Variants in MAD1L1 observed in about 807,000 individuals in gnomAD.
The protein encoded by MAD1L1 is mitotic spindle assembly checkpoint protein MAD1.
MAD1L1 carries 95 observed loss-of-function variants against 96.9 expected under a neutral mutation model. That is an observed-to-expected ratio of 0.98 (90% CI 0.83 to 1.16). MAD1L1 has a LOEUF of 1.16. Ranked by LOEUF, MAD1L1 falls within the 50% of genes most tolerant of loss-of-function variation. The probability of loss-of-function intolerance (pLI) is 0.00; values close to 1 mark genes in which losing one functional copy is unlikely to be tolerated. For missense variants in MAD1L1, 1,007 were observed against 954.4 expected, an observed-to-expected ratio of 1.06 and a Z score of -0.73; for synonymous variants, 473 against 396.6, an observed-to-expected ratio of 1.19 and a Z score of -2.29.
intron 13 of MAD1L1, among the ~76,000 whole-genome samples, chr7:2,006,127 T>C (rs1782019505): frequency 6.6e-6 from 1 of 151,848 alleles, no homozygotes; most frequent in Non-Finnish European, 1.5e-5. Flanking sequence ...CTCTCACTCA[T>C]AACCTGAAAA....
At chr7:2,164,548 A>C (rs540011309) in intron 10 of MAD1L1, among the ~76,000 whole-genome samples, 1 of 139,096 alleles carries the variant, frequency 7.2e-6, no homozygotes, top group South Asian at 2.5e-4. Context: ...AGATATGTTA[A>C]GTGACAGAAT....
At chr7:1,931,336 G>T (rs1490378126) in intron 17 of MAD1L1, among the ~76,000 whole-genome samples, 1 of 152,280 alleles carries the variant, frequency 6.6e-6, no homozygotes, top group African/African-American at 2.4e-5. Flanking sequence ...CTCATCTGGA[G>T]AATGGGGAGG....
chr7:1,959,910 C>T (rs1420452775), intron 15 of MAD1L1, among the ~76,000 whole-genome samples: 1 of 152,104 alleles, frequency 6.6e-6, no homozygotes, highest in African/African-American at 2.4e-5. Context: ...TTCTTACATT[C>T]AGGTCTCTTA....
At chr7:2,019,457 C>A (rs1317947749) in intron 12 of MAD1L1, among the ~76,000 whole-genome samples, 1 of 152,258 alleles carries the variant, frequency 6.6e-6, no homozygotes, top group African/African-American at 2.4e-5. Context: ...CAGCTGTGCA[C>A]CCTTGGGCAA....
intron 17 of MAD1L1, among the ~76,000 whole-genome samples, chr7:1,935,622 T>C (rs114350368): frequency 6.6e-6 from 1 of 152,302 alleles, no homozygotes; most frequent in African/African-American, 2.4e-5. Context: ...GCCTGGGTGC[T>C]GGGCTGTGGG....
chr7:1,918,493 G>A (rs763747462), intron 17 of MAD1L1, among the ~76,000 whole-genome samples: 4 of 152,166 alleles, frequency 2.6e-5, no homozygotes, highest in Non-Finnish European at 5.9e-5. Context: ...GGCCCAGGCC[G>A]GGTCCACGGC....
chr7:1,947,103 G>C (rs11765639), intron 16 of MAD1L1, among the ~76,000 whole-genome samples: 4 of 152,100 alleles, frequency 2.6e-5, no homozygotes, highest in African/African-American at 7.2e-5. Context: ...CCTCCCTTCC[G>C]GCCAAAATGC....
intron 14 of MAD1L1, among the ~76,000 whole-genome samples, chr7:1,996,196 C>T (rs1781548202): frequency 6.7e-6 from 1 of 148,278 alleles, no homozygotes; most frequent in Non-Finnish European, 1.5e-5. Context: ...GGGCAGGGTC[C>T]CCCCGGGTCT....
At chr7:2,221,053 T>C (rs1361199746) in intron 5 of MAD1L1, 5 of 1,606,126 alleles carry the variant, frequency 3.1e-6, no homozygotes, top group Non-Finnish European at 4.3e-6. Context: ...CAAGGCCTAG[T>C]GCGCAGGGAG....
rs534183789 is a variant in MAD1L1 at position 1,885,881 on chromosome 7, CAGACACCCCAGCAGGG to C, written c.1998+12303_1998+12318del. 1.2e-3 allele frequency among the ~76,000 whole-genome samples: 187 copies of C among 152,358 alleles called. 2 individuals are homozygous for C. In the East Asian group the frequency reaches 0.027, roughly 22 times the overall value. On this transcript the variant is annotated intron_variant, in intron 18 of 18. Coordinates refer to ENST00000265854, the MANE Select transcript of MAD1L1 (RefSeq NM_001013836.2). Reference sequence around the variant, plus strand: ...AATGAGGAAAATGGAGCAGGGCAGGCAGACACCCCAGCAGGGACCCCTGCCCGGCATCTCTGGCCCC... The same window carrying C: ...AATGAGGAAAATGGAGCAGGGCAGGCACCCCTGCCCGGCATCTCTGGCCCC...
intron 15 of MAD1L1, among the ~76,000 whole-genome samples, chr7:1,973,794 C>T (rs1398685112): frequency 6.6e-6 from 1 of 152,096 alleles, no homozygotes; most frequent in Admixed American, 6.5e-5. Context: ...GTGTAGGCTC[C>T]GATCCCTGTT....
intron 10 of MAD1L1, among the ~76,000 whole-genome samples, chr7:2,185,667 A>G (rs1791424781): frequency 6.6e-6 from 1 of 151,962 alleles, no homozygotes; most frequent in Non-Finnish European, 1.5e-5. Flanking sequence ...CTAGATTTCT[A>G]AACAAGTTTC....
chr7:2,126,667 TGGG>T, intron 11 of MAD1L1, among the ~76,000 whole-genome samples: 1 of 152,222 alleles, frequency 6.6e-6, no homozygotes, highest in Non-Finnish European at 1.5e-5. Context: ...GGAGCATCTC[TGGG>T]GACCGGCCTC....
At chr7:2,232,657 T>C (rs939995673) in intron 1 of MAD1L1, among the ~76,000 whole-genome samples, 4 of 149,298 alleles carry the variant, frequency 2.7e-5, no homozygotes, top group African/African-American at 9.9e-5. Context: ...AAAGGGGGAG[T>C]GGGGACAGGG....
At chr7:2,222,272 G>A (rs562227654) in intron 5 of MAD1L1, among the ~76,000 whole-genome samples, 1 of 152,078 alleles carries the variant, frequency 6.6e-6, no homozygotes, top group South Asian at 2.1e-4. Flanking sequence ...TAGAGATGGG[G>A]TTTCACCATG....
intron 13 of MAD1L1, among the ~76,000 whole-genome samples, chr7:2,012,842 C>G (rs995973491): frequency 6.6e-6 from 1 of 152,190 alleles, no homozygotes. Context: ...TCATTCTCGC[C>G]AAGTGCCATC....
intron 18 of MAD1L1, among the ~76,000 whole-genome samples, chr7:1,859,520 A>G (rs747387072): frequency 1.3e-5 from 2 of 152,220 alleles, no homozygotes; most frequent in South Asian, 4.1e-4. Flanking sequence ...AAGCCCCACA[A>G]GTGGGATCTG....
chr7:1,999,836 G>A (rs1163020029), intron 14 of MAD1L1, among the ~76,000 whole-genome samples: 1 of 152,144 alleles, frequency 6.6e-6, no homozygotes, highest in Non-Finnish European at 1.5e-5. Context: ...GCAATCCTCT[G>A]CTCCCCTTCC....
chr7:1,943,943 C>T (rs145828959), intron 16 of MAD1L1, among the ~76,000 whole-genome samples: 20 of 152,116 alleles, frequency 1.3e-4, no homozygotes, highest in African/African-American at 4.3e-4. Flanking sequence ...ATATAAGATG[C>T]GGCCGTGCAC....
Sources: allele counts gnomAD v4.1 joint callset (sites outside exome capture counted in the v4.1 genomes callset), GRCh38; gene constraint gnomAD v4.1.1; transcripts MANE v1.5; gene names NCBI Gene and HGNC (gene_info 2026-07-23, HGNC 2026-07-21).